Variants in STXBP4 observed in about 807,000 individuals in gnomAD.
STXBP4 encodes the protein syntaxin-binding protein 4.
A neutral mutation model predicts 76.1 loss-of-function variants in STXBP4; 55 were observed. That is an observed-to-expected ratio of 0.72 (90% CI 0.58 to 0.91). The LOEUF is 0.91. Ranked by LOEUF, STXBP4 falls within the 40% of genes least tolerant of loss-of-function variation. The probability of loss-of-function intolerance (pLI) is 0.00; values close to 1 mark genes in which losing one functional copy is unlikely to be tolerated. For synonymous variants in STXBP4, 201 were observed against 220.2 expected (o/e 0.91, Z 0.77); for missense variants, 618 against 636.9 (o/e 0.97, Z 0.32).
At chr17:54,977,046 C>T (rs1324743790) in intron 1 of STXBP4, among the ~76,000 whole-genome samples, 6 of 152,072 alleles carry the variant, frequency 3.9e-5, no homozygotes, top group East Asian at 1.9e-4. Flanking sequence ...TCCTTGGCTG[C>T]GGCACCCAGT....
intron 17 of STXBP4, among the ~76,000 whole-genome samples, chr17:55,152,265 T>C (rs1302066070): frequency 1.3e-5 from 2 of 152,168 alleles, no homozygotes; most frequent in East Asian, 1.9e-4. Context: ...GTAGGACACT[T>C]CCCTACCCTC....
chr17:55,175,709 G>A (rs7212103), downstream of STXBP4, among the ~76,000 whole-genome samples: 12,483 of 152,262 alleles, frequency 0.082, 1,070 homozygotes, highest in African/African-American at 0.21. Context: ...AAATGAGACC[G>A]TGGAGGATCA....
chr17:55,119,415 A>G (rs1269039123), intron 16 of STXBP4, among the ~76,000 whole-genome samples: 1 of 152,148 alleles, frequency 6.6e-6, no homozygotes, highest in Admixed American at 6.6e-5. Flanking sequence ...GGAGAAAATT[A>G]TAGAAGTCTA....
chr17:54,993,442 C>G (rs1326297589), intron 4 of STXBP4, among the ~76,000 whole-genome samples: 1 of 152,106 alleles, frequency 6.6e-6, no homozygotes, highest in Non-Finnish European at 1.5e-5. Flanking sequence ...GATTGCATCA[C>G]TACACTCCAG....
downstream of STXBP4, among the ~76,000 whole-genome samples, chr17:55,175,345 T>G (rs1027287859): frequency 7.9e-5 from 12 of 152,216 alleles, no homozygotes; most frequent in East Asian, 2.1e-3. Context: ...AGTGGAAATT[T>G]TATTGCAAGC....
At chr17:55,047,269 C>A in intron 12 of STXBP4, 115 bp downstream of exon 12, 1 of 561,248 alleles carries the variant, frequency 1.8e-6, no homozygotes. Context: ...TATCCCAGAG[C>A]TTCCTGATAC....
intron 1 of STXBP4, among the ~76,000 whole-genome samples, chr17:54,972,223 G>A (rs866695632): frequency 6.6e-6 from 1 of 152,166 alleles, no homozygotes; most frequent in South Asian, 2.1e-4. Flanking sequence ...GTGTTTTGTG[G>A]GGAGAATCTT....
the STXBP4 span, among the ~76,000 whole-genome samples, chr17:55,203,930 ATTC>A: frequency 0.54 from 82,378 of 151,540 alleles, 23,476 homozygotes; most frequent in Non-Finnish European, 0.63. Context: ...GTACAGAGAT[ATTC>A]TTCTTTGTTA....
chr17:55,029,050 T>C (rs1243097348), intron 8 of STXBP4, among the ~76,000 whole-genome samples: 1 of 149,264 alleles, frequency 6.7e-6, no homozygotes, highest in African/African-American at 2.5e-5. Flanking sequence ...TTCTGTAATT[T>C]AAAAAAAAAA....
chr17:55,159,864 G>A lies in STXBP4; in HGVS notation c.1615G>A (p.Glu539Lys). 1 of 1,614,006 alleles carries A rather than the reference G, an allele frequency of 6.2e-7. No individual in the cohort carries two copies. Among genetic ancestry groups the A allele is most frequent in the Non-Finnish European group, 8.5e-7 (1 of 1,179,922 alleles). ...MSVLNLSRSE[E>K]NEEDCSRELP... ...TGTCCTGAATCTATCTCGCTCAGAG[G>A]AGAATGAAGAGGATTGCTCTAGAGA... is the stretch of plus-strand genomic sequence containing the variant. The change falls in exon 18 of 18, where the codon GAG (glutamate) becomes AAG (lysine). Residue 539 changes from glutamate to lysine, a missense_variant. By Grantham distance (56) the Glu-to-Lys change is moderately conservative (BLOSUM62 1). Transcript: ENST00000376352.
the STXBP4 span, among the ~76,000 whole-genome samples, chr17:55,182,429 G>A: frequency 6.6e-6 from 1 of 152,186 alleles, no homozygotes; most frequent in East Asian, 1.9e-4. Context: ...TAAAAATACA[G>A]AAGAGACTAA....
chr17:54,973,380 G>A (rs1378334278), intron 1 of STXBP4, among the ~76,000 whole-genome samples: 1 of 152,100 alleles, frequency 6.6e-6, no homozygotes, highest in Admixed American at 6.6e-5. Flanking sequence ...TTTTGTCTCA[G>A]GTAAAAATCA....
chr17:55,046,445 C>T (rs1444596823), intron 11 of STXBP4, among the ~76,000 whole-genome samples: 2 of 151,840 alleles, frequency 1.3e-5, no homozygotes, highest in Admixed American at 6.6e-5. Context: ...TTTAATGGCT[C>T]TTAAATTACT....
At chr17:54,980,111 A>G (rs2077528264) in intron 1 of STXBP4, among the ~76,000 whole-genome samples, 1 of 152,178 alleles carries the variant, frequency 6.6e-6, no homozygotes, top group Non-Finnish European at 1.5e-5. Context: ...AAAATATAAC[A>G]CGTATGAATT....
chr17:55,000,377 C>A (rs779664658), intron 6 of STXBP4: 7 of 501,860 alleles, frequency 1.4e-5, no homozygotes, highest in Non-Finnish European at 1.5e-5. Context: ...ATTATCTGAA[C>A]AAATTACAGT....
At chr17:55,026,098 T>G (rs1327641664) in intron 8 of STXBP4, among the ~76,000 whole-genome samples, 1 of 152,120 alleles carries the variant, frequency 6.6e-6, no homozygotes, top group Non-Finnish European at 1.5e-5. Context: ...AAACCATCAT[T>G]GAAAGAAATT....
chr17:55,193,830 A>AC, the STXBP4 span, among the ~76,000 whole-genome samples: 6 of 151,354 alleles, frequency 4.0e-5, no homozygotes, highest in African/African-American at 9.7e-5. Context: ...AAAAAAAAAA[A>AC]AAAACGTAAT....
At chr17:54,978,192 A>G (rs2077498157) in intron 1 of STXBP4, among the ~76,000 whole-genome samples, 1 of 152,212 alleles carries the variant, frequency 6.6e-6, no homozygotes, top group Non-Finnish European at 1.5e-5. Context: ...GAGCCAAGAA[A>G]GAACCTTTAA....
chr17:54,969,592 C>T (rs1422332290), intron 1 of STXBP4, among the ~76,000 whole-genome samples: 2 of 152,162 alleles, frequency 1.3e-5, no homozygotes, highest in East Asian at 1.9e-4. Flanking sequence ...TAACGTCTTT[C>T]ATGATGACTG....
Sources: gnomAD v4.1 joint callset for allele counts (sites outside exome capture counted in the v4.1 genomes callset) on GRCh38, gnomAD v4.1.1 for gene constraint, MANE v1.5 for transcripts, NCBI Gene and HGNC (gene_info 2026-07-23, HGNC 2026-07-21) for gene names.